The following FOXP1 variants were observed in gnomAD, a reference collection of about 807,000 sequenced individuals.
The protein encoded by FOXP1 is forkhead box protein P1.
Under a neutral mutation model 98.2 loss-of-function variants are expected in FOXP1, and 15 were observed. That is an observed-to-expected ratio of 0.15 (90% CI 0.10 to 0.24). FOXP1 has a LOEUF of 0.24. FOXP1 is among the 10% of genes least tolerant of loss of function. The pLI is 1.00. For missense variants in FOXP1, 633 were observed against 848.5 expected, an observed-to-expected ratio of 0.75 and a Z score of 3.15; for synonymous variants, 371 against 314.5, an observed-to-expected ratio of 1.18 and a Z score of -1.90.
At chr3:71,244,168 G>T (rs1035338574) in intron 5 of FOXP1, among the ~76,000 whole-genome samples, 3 of 152,150 alleles carry the variant, frequency 2.0e-5, no homozygotes, top group Non-Finnish European at 4.4e-5. Context: ...GTAATAAAAT[G>T]TACACATCAG....
At chr3:70,999,190 A>G (rs2107598276) in intron 13 of FOXP1, among the ~76,000 whole-genome samples, 1 of 152,220 alleles carries the variant, frequency 6.6e-6, no homozygotes, top group Admixed American at 6.5e-5. Flanking sequence ...CCCGGGTTCA[A>G]GCAATTCTTT....
chr3:71,495,372 C>T (rs1362343148), intron 2 of FOXP1, among the ~76,000 whole-genome samples: 1 of 152,196 alleles, frequency 6.6e-6, no homozygotes, highest in Admixed American at 6.5e-5. Flanking sequence ...CATTTGTCTT[C>T]CCCACTAGAA....
chr3:71,138,678 T>G (rs542764065), intron 6 of FOXP1, among the ~76,000 whole-genome samples: 1 of 152,306 alleles, frequency 6.6e-6, no homozygotes, highest in South Asian at 2.1e-4. Flanking sequence ...GTATACTCAC[T>G]ACCAAGGGCA....
intron 4 of FOXP1, among the ~76,000 whole-genome samples, chr3:71,314,594 A>C (rs1055230395): frequency 6.6e-6 from 1 of 151,386 alleles, no homozygotes; most frequent in African/African-American, 2.4e-5. Context: ...ATAAAAGAGA[A>C]TGTATATCAG....
At position 71,236,060 on chromosome 3, in the gene FOXP1, G is replaced by C. The variant is rs369586989; in HGVS notation, c.-11-37668C>G. Among the ~76,000 whole-genome samples the C allele has an allele frequency of 5.9e-5, 9 of 152,172 alleles. No homozygotes were observed. The East Asian group carries it at 1.3e-3, about 23-fold the overall frequency. ...CAAATAATCAAAGCCCAGGATAAGA[G>C]AATCACCTAGGAACATTCAAGGAAT... is the stretch of plus-strand genomic sequence containing the variant. On this transcript the variant is annotated intron_variant, in intron 5 of 20. Transcript: ENST00000649528.
intron 7 of FOXP1, among the ~76,000 whole-genome samples, chr3:71,096,185 G>A (rs1190074517): frequency 6.6e-6 from 1 of 152,216 alleles, no homozygotes; most frequent in Non-Finnish European, 1.5e-5. Flanking sequence ...GAAGGCTAGG[G>A]AATGAAGAAA....
At chr3:71,230,873 T>C (rs1203691354) in intron 5 of FOXP1, among the ~76,000 whole-genome samples, 3 of 152,268 alleles carry the variant, frequency 2.0e-5, no homozygotes, top group African/African-American at 7.2e-5. Flanking sequence ...AGCATTTTCC[T>C]TTATTAAGTT....
intron 3 of FOXP1, among the ~76,000 whole-genome samples, chr3:71,395,212 G>T (rs2081299244): frequency 6.6e-6 from 1 of 150,638 alleles, no homozygotes; most frequent in Admixed American, 6.6e-5. Context: ...TTTGGCTCAT[G>T]ACTGAACAGA....
At chr3:71,448,707 T>A (rs1014496017) in intron 3 of FOXP1, among the ~76,000 whole-genome samples, 1 of 152,238 alleles carries the variant, frequency 6.6e-6, no homozygotes, top group Non-Finnish European at 1.5e-5. Context: ...TGGTAGTGTC[T>A]ACAACAAAGA....
At chr3:71,482,797 T>C (rs934276529) in intron 3 of FOXP1, among the ~76,000 whole-genome samples, 28 of 152,130 alleles carry the variant, frequency 1.8e-4, no homozygotes, top group Admixed American at 1.4e-3. Context: ...CACATTTTAA[T>C]AACACTGGTT....
intron 17 of FOXP1, among the ~76,000 whole-genome samples, chr3:70,976,724 T>C (rs1306398279): frequency 1.3e-5 from 2 of 152,190 alleles, no homozygotes; most frequent in East Asian, 3.9e-4. Flanking sequence ...GGCTGGCCCC[T>C]CCACACTGCT....
At chr3:71,194,309 T>A (rs1419893912) in intron 6 of FOXP1, among the ~76,000 whole-genome samples, 1 of 151,772 alleles carries the variant, frequency 6.6e-6, no homozygotes, top group Non-Finnish European at 1.5e-5. Context: ...AACCTCATCA[T>A]TAAATGGAAT....
At position 71,579,607 on chromosome 3, in the gene FOXP1, TTTTTTTTTC is replaced by T. The variant is rs1425061100; in HGVS notation, c.-298+1933_-298+1941del. On this transcript the variant is annotated intron_variant, in intron 2 of 20. Coordinates refer to ENST00000649528, the MANE Select transcript of FOXP1 (RefSeq NM_001349338.3). ...GACACAAAACTTCATCACCAGAGATTTTTTTTTTCTTTTTTTTCTTTTTTCTTTTTTTTT... is the reference window on the plus strand; with the variant it reads ...GACACAAAACTTCATCACCAGAGATTTTTTTTTTCTTTTTTCTTTTTTTTT... Among the ~76,000 whole-genome samples, 14 of 147,188 alleles carry T rather than the reference TTTTTTTTTC, an allele frequency of 9.5e-5. No individual in the cohort carries two copies. In the South Asian group the frequency reaches 1.9e-3, roughly 20 times the overall value.
chr3:71,462,492 A>G (rs542913794), intron 3 of FOXP1, among the ~76,000 whole-genome samples: 4 of 152,194 alleles, frequency 2.6e-5, no homozygotes, highest in Non-Finnish European at 4.4e-5. Flanking sequence ...TGATGGGCCA[A>G]CTACACAGAT....
At chr3:71,172,887 G>A (rs556072692) in intron 6 of FOXP1, among the ~76,000 whole-genome samples, 1 of 152,284 alleles carries the variant, frequency 6.6e-6, no homozygotes, top group Admixed American at 6.5e-5. Flanking sequence ...AACTGAGTCT[G>A]ATTTCTAGTT....
At chr3:71,030,650 G>T (rs1251796700) in intron 11 of FOXP1, among the ~76,000 whole-genome samples, 1 of 152,220 alleles carries the variant, frequency 6.6e-6, no homozygotes, top group Non-Finnish European at 1.5e-5. Context: ...TACCTTGGAA[G>T]TGTCCTGTGA....
chr3:71,297,616 AT>A (rs33920121), intron 5 of FOXP1, among the ~76,000 whole-genome samples: 28 of 135,188 alleles, frequency 2.1e-4, no homozygotes, highest in African/African-American at 3.6e-4. Flanking sequence ...GCTTTGTTTA[AT>A]TTTTTTTTTT....
At chr3:71,454,783 C>T (rs926493789) in intron 3 of FOXP1, among the ~76,000 whole-genome samples, 1 of 145,510 alleles carries the variant, frequency 6.9e-6, no homozygotes, top group African/African-American at 2.5e-5. Flanking sequence ...ATCAAAGCAA[C>T]TTGTTTTCTT....
intron 3 of FOXP1, among the ~76,000 whole-genome samples, chr3:71,364,376 G>C (rs2078771021): frequency 6.6e-6 from 1 of 152,178 alleles, no homozygotes; most frequent in Non-Finnish European, 1.5e-5. Context: ...GTCAGACATA[G>C]TTTTACTTAC....
Sources: allele counts gnomAD v4.1 joint callset (sites outside exome capture counted in the v4.1 genomes callset), GRCh38; gene constraint gnomAD v4.1.1; transcripts MANE v1.5; gene names NCBI Gene and HGNC (gene_info 2026-07-23, HGNC 2026-07-21).